PRIMPOL: variants seen among roughly 807,000 people sequenced by gnomAD.
PRIMPOL encodes primase and DNA directed polymerase, also known as DNA-directed primase/polymerase protein.
In PRIMPOL, 54 loss-of-function variants were observed where a neutral mutation model predicts 63.6. The ratio of observed to expected loss-of-function variants is 0.85; its 90% CI spans 0.68 to 1.07. The LOEUF (loss-of-function observed/expected upper bound fraction) is 1.07, where lower values mean the gene tolerates loss of function less well. Ranked by LOEUF, PRIMPOL falls within the 50% of genes least tolerant of loss-of-function variation. The pLI is 0.00. For synonymous variants in PRIMPOL, 197 were observed against 220.2 expected, an observed-to-expected ratio of 0.89 and a Z score of 0.93; for missense variants, 610 against 648.3, an observed-to-expected ratio of 0.94 and a Z score of 0.64.
chr4:184,686,530 A>T (rs1352010603), intron 11 of PRIMPOL, among the ~76,000 whole-genome samples: 3 of 152,212 alleles, frequency 2.0e-5, no homozygotes, highest in Non-Finnish European at 1.5e-5. Context: ...TAAAACGCCC[A>T]TGGGAAGAGG....
chr4:184,677,762 A>G (rs1053534689), intron 7 of PRIMPOL, among the ~76,000 whole-genome samples: 5 of 152,220 alleles, frequency 3.3e-5, no homozygotes, highest in Non-Finnish European at 5.9e-5. Flanking sequence ...GAGTCTTCCA[A>G]TCTATGCACA....
intron 8 of PRIMPOL, among the ~76,000 whole-genome samples, chr4:184,679,036 T>C (rs926500163): frequency 6.6e-6 from 1 of 152,208 alleles, no homozygotes; most frequent in Non-Finnish European, 1.5e-5. Flanking sequence ...ACTATTAAAA[T>C]GTCTCATTTT....
chr4:184,659,284 T>G, intron 3 of PRIMPOL, 56 bp from the exon 4 acceptor site: 1 of 1,276,208 alleles, frequency 7.8e-7, no homozygotes, highest in Non-Finnish European at 1.1e-6. Flanking sequence ...TAGCTACAGT[T>G]GAGTTTAGGT....
At position 184,685,479 on chromosome 4, in the gene PRIMPOL, T is replaced by A; in HGVS notation, c.1167T>A (p.Asn389Lys). 1 of 1,611,378 alleles carries A rather than the reference T, an allele frequency of 6.2e-7. No individual in the cohort carries two copies. The highest frequency in any genetic ancestry group is 1.7e-4 in the Middle Eastern group (1 of 6,054). Residue 389 changes from asparagine (N) to lysine (K), a missense_variant, in exon 10 of 14, where the codon AAT becomes AAA. Physicochemically the swap from Asn to Lys is moderately conservative, Grantham distance 94. This residue lies in a region of PRIMPOL where 444 missense variants were observed against 456.4 expected (regional missense o/e 0.97). Transcript: ENST00000314970. ...ATCATTTTGTTCTTTCTTTGGTGAA[T>A]AAAGATGGCATTAAAGGAGGTAAAG... The part of the protein sequence containing the change: ...EVDHFVLSLV[N>K]KDGIKGGIRR...
Position 184,657,303 on chromosome 4 carries a change from G to T in PRIMPOL, c.163G>T (p.Val55Phe). ...FHRQAQAFNF[V>F]KSCKEDVHVF... The stretch of plus-strand genomic sequence containing the variant: ...TCGACAAGCTCAAGCTTTTAATTTT[G>T]TTAAAAGCTGTAAAGAAGTAATTTC... The change falls in exon 3 of 14, where the codon GTT (valine) becomes TTT (phenylalanine). Residue 55 changes from valine (V) to phenylalanine (F), a missense_variant. Val to Phe is a conservative substitution (Grantham distance 50, BLOSUM62 -1). This residue lies in a region of PRIMPOL where 159 missense variants were observed against 168.9 expected (regional missense o/e 0.94). Coordinates refer to ENST00000314970, the MANE Select transcript of PRIMPOL (RefSeq NM_152683.4). 1.2e-6 allele frequency: 2 copies of T among 1,608,358 alleles called. No homozygotes were observed. Among genetic ancestry groups the T allele is most frequent in the Non-Finnish European group, 1.7e-6 (2 of 1,177,938 alleles).
chr4:184,689,702 C>T (rs1047910674), intron 11 of PRIMPOL, among the ~76,000 whole-genome samples: 58 of 152,166 alleles, frequency 3.8e-4, no homozygotes, highest in Non-Finnish European at 7.5e-4. Flanking sequence ...GATCCACCCA[C>T]CTCGGCCTCC....
In PRIMPOL at chr4:184,659,382, C is replaced by T. The variant is rs145035578; in HGVS notation, c.223C>T (p.Gln75Ter). Residue 75 changes from glutamine (Q) to a stop codon, truncating the protein, a stop_gained, in exon 4 of 14, where the codon CAA (glutamine) becomes TAA (stop). Transcript: ENST00000314970. LOFTEE classifies it high-confidence loss of function. ...FALECKVGDG[Q>*]RIYLVTTYAE... is the part of the protein sequence containing the mutation. ...TTTGGAATGCAAAGTAGGAGATGGA[C>T]AACGTATTTACCTTGTGACAACCTA... 4.3e-6 allele frequency: 7 copies of T among 1,613,792 alleles called. No individual in the cohort carries two copies. The highest frequency in any genetic ancestry group is 1.3e-5 in the African/African-American group (1 of 74,914).
intron 11 of PRIMPOL, among the ~76,000 whole-genome samples, chr4:184,690,545 C>T (rs749451062): frequency 7.9e-5 from 12 of 152,078 alleles, no homozygotes; most frequent in Admixed American, 2.0e-4. Flanking sequence ...CTGCAACCTC[C>T]GCCTCCCAGG....
At chr4:184,652,362 G>A (rs2696058) in intron 2 of PRIMPOL, among the ~76,000 whole-genome samples, 145,767 of 151,890 alleles carry the variant, frequency 0.96, 70,274 homozygotes, top group East Asian at 1. Flanking sequence ...GAGTTATGCT[G>A]TTTGGATGGG....
Position 184,662,124 on chromosome 4 carries a change from T to TA in PRIMPOL, c.408+229dup, listed in dbSNP as rs200635248. ...TATAGTTTGCAATTTTGCTGTCTGG[T>TA]AAAAAAAATGCTTTGAAAAAGATGT... On this transcript the variant is annotated intron_variant, in intron 5 of 13. Coordinates refer to ENST00000314970, the MANE Select transcript of PRIMPOL (RefSeq NM_152683.4). Among the ~76,000 whole-genome samples, 638 of 152,018 alleles carry TA rather than the reference T, an allele frequency of 4.2e-3. 7 individuals carry two copies. The highest frequency in any genetic ancestry group is 0.015 in the African/African-American group (603 of 41,522).
intron 8 of PRIMPOL, among the ~76,000 whole-genome samples, 178 bp from the exon 9 acceptor site, chr4:184,682,070 T>TA (rs1441330890): frequency 6.6e-6 from 1 of 152,186 alleles, no homozygotes. Flanking sequence ...ATATTTTTTT[T>TA]ATATGTGTAG....
At chr4:184,661,999 CTCTT>C in intron 5 of PRIMPOL, 96 bp downstream of exon 5, 3 of 1,108,158 alleles carry the variant, frequency 2.7e-6, no homozygotes, top group Non-Finnish European at 3.7e-6. Context: ...GGTTCTGTAT[CTCTT>C]CTTTTTCTTG....
At chr4:184,692,158 G>A (rs961071080) in intron 13 of PRIMPOL, among the ~76,000 whole-genome samples, 1 of 152,040 alleles carries the variant, frequency 6.6e-6, no homozygotes, top group Non-Finnish European at 1.5e-5. Context: ...TAATTAACGT[G>A]CATTGTAGAA....
chr4:184,668,407 C>T (rs1750665069), intron 6 of PRIMPOL, among the ~76,000 whole-genome samples: 1 of 152,276 alleles, frequency 6.6e-6, no homozygotes, highest in African/African-American at 2.4e-5. Flanking sequence ...GCCTCAAACC[C>T]TCCAGTGATT....
At chr4:184,684,388 C>T (rs183351650) in intron 9 of PRIMPOL, among the ~76,000 whole-genome samples, 11 of 151,572 alleles carry the variant, frequency 7.3e-5, no homozygotes, top group African/African-American at 2.2e-4. Flanking sequence ...CCCAGAAGGC[C>T]GAGCTTGCAG....
intron 6 of PRIMPOL, 146 bp from the exon 7 acceptor site, chr4:184,672,027 A>G (rs1046850523): frequency 1.3e-6 from 1 of 750,982 alleles, no homozygotes; most frequent in African/African-American, 1.7e-5. Flanking sequence ...GGCGTGAGCC[A>G]CTGTGCCCGG....
rs534859453 is a variant in PRIMPOL, at chr4:184,692,833, G to A, written c.1425+1121G>A. On this transcript the variant is annotated intron_variant, in intron 13 of 13. Transcript: ENST00000314970. ...CTACCAATCTGGTAGGCAAAATGCAGTACCTCAGTTGTTTTAATTTGCATC... is the reference window on the plus strand; with the variant it reads ...CTACCAATCTGGTAGGCAAAATGCAATACCTCAGTTGTTTTAATTTGCATC... Among the ~76,000 whole-genome samples the A allele has an allele frequency of 2.0e-5, 3 of 152,226 alleles. No homozygotes were observed. In the South Asian group the frequency reaches 6.2e-4, roughly 32 times the overall value.
At position 184,653,784 on chromosome 4, in the gene PRIMPOL, C is replaced by T. The variant is rs1453161499; in HGVS notation, c.-60+1684C>T. ...AAGAAAGACAACACTCTTTCACCAC[C>T]GGGAATGAAAAGCATTTCTAATATG... is the stretch of plus-strand genomic sequence containing the variant. On this transcript the variant is annotated intron_variant, in intron 2 of 13. Transcript: ENST00000314970. 1.3e-5 allele frequency among the ~76,000 whole-genome samples: 2 copies of T among 152,230 alleles called. 1 individual carries two copies. The highest frequency in any genetic ancestry group is 4.8e-5 in the African/African-American group (2 of 41,450).
intron 2 of PRIMPOL, among the ~76,000 whole-genome samples, chr4:184,656,695 T>G (rs1342159801): frequency 6.6e-6 from 1 of 152,188 alleles, no homozygotes; most frequent in Non-Finnish European, 1.5e-5. Context: ...CGTGATACAA[T>G]AAAATGGTTA....
Sources: gnomAD v4.1 joint callset for allele counts (sites outside exome capture counted in the v4.1 genomes callset) on GRCh38, gnomAD v4.1.1 for gene constraint, gnomAD v4.1.1 regional missense constraint, MANE v1.5 for transcripts, NCBI Gene and HGNC (gene_info 2026-07-23, HGNC 2026-07-21) for gene names.